Variants in KCNIP4 observed in about 807,000 individuals in gnomAD.
KCNIP4 encodes the protein potassium voltage-gated channel interacting protein 4, also known as Kv channel-interacting protein 4.
Under a neutral mutation model 34.0 loss-of-function variants are expected in KCNIP4, and 12 were observed. That is an observed-to-expected ratio of 0.35 (90% CI 0.23 to 0.57). KCNIP4 has a LOEUF of 0.57. Among genes scored for constraint, KCNIP4 ranks in the 20% least tolerant of loss-of-function variants. The pLI, the probability that KCNIP4 is intolerant of heterozygous loss-of-function variation, is 0.83. For missense variants in KCNIP4, 238 were observed against 311.7 expected, an observed-to-expected ratio of 0.76 and a Z score of 1.78; for synonymous variants, 124 against 102.2, an observed-to-expected ratio of 1.21 and a Z score of -1.29.
chr4:20,731,699 A>G lies in KCNIP4; in HGVS notation c.705+307T>C, dbSNP rs140659929. On this transcript the variant is annotated intron_variant, in intron 8 of 8. Coordinates refer to ENST00000382152, the MANE Select transcript of KCNIP4 (RefSeq NM_025221.6). ...TGATGCTAAGTTTTGGCAAAGAGCAATTCAAATCTCATGTATGTTTTATCC... is the reference window on the plus strand; with the variant it reads ...TGATGCTAAGTTTTGGCAAAGAGCAGTTCAAATCTCATGTATGTTTTATCC... 1.1e-3 allele frequency: 1,061 copies of G among 985,336 alleles called. 7 individuals carry two copies. The African/African-American group carries it at 0.016, about 14-fold the overall frequency. 61.0% of individuals were successfully genotyped at this position (985,336 alleles called of 1,614,324 possible). A position where few individuals can be genotyped will look rare whatever the true frequency, so the allele number is the denominator to read the frequency against.
chr4:21,435,241 G>T (rs75993004), intron 1 of KCNIP4, among the ~76,000 whole-genome samples: 2 of 152,062 alleles, frequency 1.3e-5, no homozygotes, highest in Non-Finnish European at 2.9e-5. Context: ...AGAGACATGC[G>T]GACACGTGAA....
chr4:21,636,019 G>C lies in KCNIP4; in HGVS notation c.61+312552C>G, dbSNP rs1176583063. Among the ~76,000 whole-genome samples the C allele has an allele frequency of 3.7e-4, 56 of 151,374 alleles. 1 individual carries two copies. Among genetic ancestry groups the C allele is most frequent in the Non-Finnish European group, 6.6e-4 (45 of 67,870 alleles). ...ATGGATGAAATTGGAAATCATCATT[G>C]TCAGTAAACTATCACAAGAACAAAA... is the stretch of plus-strand genomic sequence containing the variant. On this transcript the variant is annotated intron_variant, in intron 1 of 8. Coordinates refer to ENST00000382152, the MANE Select transcript of KCNIP4 (RefSeq NM_025221.6).
At chr4:21,375,996 G>A (rs1263945266) in intron 1 of KCNIP4, among the ~76,000 whole-genome samples, 1 of 152,124 alleles carries the variant, frequency 6.6e-6, no homozygotes, top group Non-Finnish European at 1.5e-5. Context: ...GAATCAAGGT[G>A]GATAGAGAGT....
intron 3 of KCNIP4, among the ~76,000 whole-genome samples, chr4:20,775,881 A>G (rs1756332023): frequency 6.6e-6 from 1 of 152,186 alleles, no homozygotes; most frequent in Non-Finnish European, 1.5e-5. Flanking sequence ...TATTAGGTGT[A>G]TCTAAACCCC....
At chr4:21,141,632 C>T (rs1180942576) in intron 1 of KCNIP4, among the ~76,000 whole-genome samples, 2 of 152,028 alleles carry the variant, frequency 1.3e-5, no homozygotes, top group Non-Finnish European at 2.9e-5. Flanking sequence ...TACACGCTTA[C>T]CATAGAAGAA....
intron 3 of KCNIP4, among the ~76,000 whole-genome samples, chr4:20,837,379 A>G (rs1279946040): frequency 1.3e-5 from 2 of 152,156 alleles, no homozygotes; most frequent in East Asian, 3.9e-4. Context: ...AAAGATTCAA[A>G]TGCCTGCAGG....
intron 2 of KCNIP4, among the ~76,000 whole-genome samples, chr4:20,852,732 G>A (rs537618277): frequency 6.6e-6 from 1 of 152,242 alleles, no homozygotes; most frequent in South Asian, 2.1e-4. Flanking sequence ...AAACCCTAAG[G>A]ACTTCTCCAG....
rs532859942 is a variant in KCNIP4, at chr4:20,759,622, T to C, written c.289-732A>G. Among the ~76,000 whole-genome samples the C allele has an allele frequency of 2.0e-5, 3 of 149,216 alleles. No individual in the cohort carries two copies. In the East Asian group the frequency reaches 5.8e-4, roughly 29 times the overall value. On this transcript the variant is annotated intron_variant, in intron 3 of 8. Transcript: ENST00000382152. ...CAGGGCAAGGTTAGCCCTCTGAGAG[T>C]GGTTTTGGCATTTTTGCTAATAAAA...
At chr4:21,868,383 TA>T (rs1470128705) in intron 1 of KCNIP4, among the ~76,000 whole-genome samples, 1 of 152,202 alleles carries the variant, frequency 6.6e-6, no homozygotes, top group Non-Finnish European at 1.5e-5. Flanking sequence ...CTATAATAAC[TA>T]AAAATTAAAA....
chr4:20,775,940 TTC>T (rs1322405681), intron 3 of KCNIP4, among the ~76,000 whole-genome samples: 2 of 152,150 alleles, frequency 1.3e-5, no homozygotes, highest in East Asian at 3.9e-4. Flanking sequence ...TCTTATTCCT[TTC>T]TGTTTACCTG....
intron 1 of KCNIP4, among the ~76,000 whole-genome samples, chr4:21,389,446 TC>T (rs1722336157): frequency 1.1e-5 from 1 of 94,090 alleles, no homozygotes; most frequent in Non-Finnish European, 2.0e-5. Context: ...ATGATATCCC[TC>T]CCCCCTCCCC....
chr4:20,916,237 T>C, intron 1 of KCNIP4: 1 of 745,788 alleles, frequency 1.3e-6, no homozygotes, highest in Non-Finnish European at 1.6e-6. Flanking sequence ...CTCTCTATGA[T>C]TTCTGCCCCA....
At chr4:21,173,283 T>G (rs1038837960) in intron 1 of KCNIP4, among the ~76,000 whole-genome samples, 2 of 152,110 alleles carry the variant, frequency 1.3e-5, no homozygotes, top group East Asian at 3.9e-4. Flanking sequence ...AAAACCACTT[T>G]GTAAATATCC....
intron 1 of KCNIP4, among the ~76,000 whole-genome samples, chr4:21,081,805 G>A (rs1746027690): frequency 6.6e-6 from 1 of 151,714 alleles, no homozygotes; most frequent in South Asian, 2.1e-4. Flanking sequence ...ACTGAATTCT[G>A]AGAGAGTAAT....
chr4:20,964,284 G>T (rs1050767517), intron 1 of KCNIP4, among the ~76,000 whole-genome samples: 9 of 152,156 alleles, frequency 5.9e-5, no homozygotes, highest in African/African-American at 2.2e-4. Flanking sequence ...TGACTTAGAG[G>T]CTTACCCACG....
chr4:21,204,779 C>T (rs945374420), intron 1 of KCNIP4, among the ~76,000 whole-genome samples: 1 of 152,172 alleles, frequency 6.6e-6, no homozygotes, highest in Non-Finnish European at 1.5e-5. Flanking sequence ...TACAGGATCC[C>T]TCCTCATTTA....
At chr4:20,947,576 C>CCAGGAAA (rs1732317621) in intron 1 of KCNIP4, among the ~76,000 whole-genome samples, 1 of 152,158 alleles carries the variant, frequency 6.6e-6, no homozygotes, top group Non-Finnish European at 1.5e-5. Flanking sequence ...AGTACTTAGC[C>CCAGGAAA]TACTTTACAT....
At chr4:21,887,705 T>C (rs1726860220) in intron 1 of KCNIP4, among the ~76,000 whole-genome samples, 1 of 152,154 alleles carries the variant, frequency 6.6e-6, no homozygotes, top group Non-Finnish European at 1.5e-5. Flanking sequence ...TTCAGCCTTC[T>C]GAATGATTTC....
intron 1 of KCNIP4, among the ~76,000 whole-genome samples, chr4:21,473,579 T>C (rs17523876): frequency 0.12 from 18,997 of 152,218 alleles, 1,351 homozygotes; most frequent in South Asian, 0.21. Context: ...TACATACATT[T>C]AACATACATC....
Sources: gnomAD v4.1 joint callset for allele counts (sites outside exome capture counted in the v4.1 genomes callset) on GRCh38, gnomAD v4.1.1 for gene constraint, MANE v1.5 for transcripts, NCBI Gene and HGNC (gene_info 2026-07-23, HGNC 2026-07-21) for gene names.